Variants in COL16A1 observed in about 807,000 individuals in gnomAD.
The protein encoded by COL16A1 is collagen type XVI alpha 1 chain.
In COL16A1, 189 loss-of-function variants were observed where a neutral mutation model predicts 266.3. The ratio of observed to expected loss-of-function variants is 0.71; its 90% CI spans 0.63 to 0.80. The LOEUF (loss-of-function observed/expected upper bound fraction) is 0.80, where lower values mean the gene tolerates loss of function less well. Ranked by LOEUF, COL16A1 falls within the 30% of genes least tolerant of loss-of-function variation. COL16A1 has a pLI of 0.00. For synonymous variants in COL16A1, 740 were observed against 782.3 expected (o/e 0.95, Z 0.90); for missense variants, 1,928 against 2,122.4 (o/e 0.91, Z 1.80).
chr1:31,665,318 C>T (rs1642034360), intron 55 of COL16A1, 84 bp from the exon 56 acceptor site: 6 of 1,546,254 alleles, frequency 3.9e-6, no homozygotes, highest in South Asian at 2.4e-5. Context: ...GCATGATGCA[C>T]TGTTGTTAAT....
At chr1:31,702,569 G>A (rs1194395839) in intron 1 of COL16A1, among the ~76,000 whole-genome samples, 1 of 152,240 alleles carries the variant, frequency 6.6e-6, no homozygotes, top group Non-Finnish European at 1.5e-5. Context: ...TAGAAGGCCA[G>A]AGAAGTTGGA....
intron 70 of COL16A1, 92 bp downstream of exon 70, chr1:31,653,507 G>T: frequency 7.1e-7 from 1 of 1,415,040 alleles, no homozygotes; most frequent in Non-Finnish European, 9.6e-7. Context: ...GTCGTTATTT[G>T]GAGTTTGACA....
At chr1:31,700,547 C>T (rs995930994) in intron 2 of COL16A1, among the ~76,000 whole-genome samples, 2 of 152,212 alleles carry the variant, frequency 1.3e-5, no homozygotes, top group Admixed American at 1.3e-4. Flanking sequence ...GGCAGAGGAG[C>T]TCTTCAGGGG....
chr1:31,698,356 G>T lies in COL16A1; in HGVS notation c.390+127C>A. 1 of 1,534,622 alleles carries T rather than the reference G, an allele frequency of 6.5e-7. No homozygotes were observed. The highest frequency in any genetic ancestry group is 1.3e-5 in the South Asian group (1 of 79,296). ...ATGAGGTAGGTACTGGTGGGCTGGG[G>T]ACAGGCTTGAGGGTAGGCACAGGAT... is the stretch of plus-strand genomic sequence containing the variant. On this transcript the variant is annotated intron_variant, in intron 5 of 70. Coordinates refer to ENST00000373672, the MANE Select transcript of COL16A1 (RefSeq NM_001856.4). The surrounding 1 kb of genome is among the most constrained non-coding windows in gnomAD (Gnocchi z 4.1).
rs746687065 is a variant in COL16A1 at position 31,684,019 on chromosome 1, T to A, written c.2284-16A>T. ...CGGGTTGGCCCTAAAAGGCATAAGGTGGCCCATGGAGTCCCCACAGGAGAA... is the reference window on the plus strand; with the variant it reads ...CGGGTTGGCCCTAAAAGGCATAAGGAGGCCCATGGAGTCCCCACAGGAGAA... On this transcript the variant is annotated splice_polypyrimidine_tract_variant and intron_variant, in intron 32 of 70. Transcript: ENST00000373672. The A allele has an allele frequency of 6.2e-6, 10 of 1,614,016 alleles. No individual in the cohort carries two copies. The East Asian group carries it at 2.2e-4, about 36-fold the overall frequency.
chr1:31,666,295 C>G (rs1642140644), intron 52 of COL16A1: 2 of 584,024 alleles, frequency 3.4e-6, no homozygotes, highest in Non-Finnish European at 6.0e-6. Flanking sequence ...TCCTGGCTCA[C>G]TGCAAGCCAG....
At chr1:31,683,610 G>A in intron 34 of COL16A1, 97 bp downstream of exon 34, 1 of 1,608,014 alleles carries the variant, frequency 6.2e-7, no homozygotes, top group Non-Finnish European at 8.5e-7. Context: ...GTGCCTCTGG[G>A]GGCAGGCAGA....
Position 31,697,089 on chromosome 1 carries a change from CTGTT to C in COL16A1, c.739-5_739-2del. The C allele has an allele frequency of 6.2e-7, 1 of 1,614,114 alleles. No individual in the cohort carries two copies. The highest frequency in any genetic ancestry group is 8.5e-7 in the Non-Finnish European group (1 of 1,179,998). On this transcript the variant is annotated splice_acceptor_variant and splice_polypyrimidine_tract_variant and intron_variant, in intron 7 of 70. Coordinates refer to ENST00000373672, the MANE Select transcript of COL16A1 (RefSeq NM_001856.4). LOFTEE classifies it high-confidence loss of function. The surrounding 1 kb of genome is among the most constrained non-coding windows in gnomAD (Gnocchi z 4.2). ...GGGCCTTGGAGGTCTCTGGGGGGCACTGTTTGGTGGAAGAGCGGGGCTAGGGTCA... is the reference window on the plus strand; with the variant it reads ...GGGCCTTGGAGGTCTCTGGGGGGCACTGGTGGAAGAGCGGGGCTAGGGTCA...
intron 37 of COL16A1, among the ~76,000 whole-genome samples, chr1:31,681,818 C>T (rs958993875): frequency 3.9e-5 from 6 of 152,250 alleles, no homozygotes; most frequent in African/African-American, 1.4e-4. Flanking sequence ...TGGCCCACAT[C>T]TCTCCTTTTG....
Position 31,656,456 on chromosome 1 carries a change from CAA to C in COL16A1, c.4057-14_4057-13del. The C allele has an allele frequency of 6.2e-7, 1 of 1,611,840 alleles. No individual in the cohort carries two copies. Among genetic ancestry groups the C allele is most frequent in the South Asian group, 1.1e-5 (1 of 90,466 alleles). On this transcript the variant is annotated splice_polypyrimidine_tract_variant and intron_variant, in intron 65 of 70. Transcript: ENST00000373672. The surrounding 1 kb of genome is among the most constrained non-coding windows in gnomAD (Gnocchi z 4.2). ...TTTCCAGGGGGTCCCTAGAGGAAAG[CAA>C]AAGTCAGAGGTGAAGTCCGGGCAGC...
rs778149507 is a variant in COL16A1, at chr1:31,685,613, AG to A, written c.2016+25del. 2.5e-6 allele frequency: 4 copies of A among 1,607,582 alleles called. No individual in the cohort carries two copies. The African/African-American group carries it at 4.0e-5, about 16-fold the overall frequency. ...AGCCCCGCCTGCATCCCCCGTCCAG[AG>A]GCCCCTGCCTATATCCCACCTCACC... On this transcript the variant is annotated intron_variant, in intron 29 of 70. Coordinates refer to ENST00000373672, the MANE Select transcript of COL16A1 (RefSeq NM_001856.4). This position sits in a 1 kb window ranked among gnomAD's most constrained non-coding sequence, Gnocchi z 4.0.
chr1:31,672,597 C>A lies in COL16A1; in HGVS notation c.3017G>T (p.Arg1006Leu), dbSNP rs761548608. The change falls in exon 46 of 71, where the codon CGG (arginine) becomes CTG (leucine). Residue 1006 changes from arginine (R) to leucine (L), a missense_variant and splice_region_variant. By Grantham distance (102) the Arg-to-Leu change is moderately radical (BLOSUM62 -2). Transcript: ENST00000373672. ...SLERPRAEEA[R>L]GDNSEGDPGC... Reference sequence around the variant, plus strand: ...GGGGAGATAAGGCGAGGCACTCACCCGGGCCTCCTCGGCTCTTGGGCGCTC... The same window carrying A: ...GGGGAGATAAGGCGAGGCACTCACCAGGGCCTCCTCGGCTCTTGGGCGCTC... The A allele has an allele frequency of 3.7e-6, 6 of 1,606,404 alleles. No individual in the cohort carries two copies. Among genetic ancestry groups the A allele is most frequent in the South Asian group, 1.1e-5 (1 of 90,138 alleles).
chr1:31,665,603 G>T lies in COL16A1; in HGVS notation c.3472C>A (p.Pro1158Thr). The part of the protein sequence containing the change: ...EKGDQGFQGQ[P>T]GFPGPPGPPG... ...CTCACCGGTGGGCCCGGAAAGCCTG[G>T]CTGGCCTTGAAATCCCTAGGGTGAG... Residue 1158 changes from proline to threonine, a missense_variant, in exon 55 of 71, where the codon CCA (proline) becomes ACA (threonine). Pro to Thr is a conservative substitution (Grantham distance 38). This residue lies in a region of COL16A1 where 1,552 missense variants were observed against 1,637.2 expected (regional missense o/e 0.95). Transcript: ENST00000373672. 6.2e-7 allele frequency: 1 copy of T among 1,613,974 alleles called. No individual in the cohort carries two copies. The highest frequency in any genetic ancestry group is 8.5e-7 in the Non-Finnish European group (1 of 1,179,942).
chr1:31,696,278 G>T, intron 8 of COL16A1, 137 bp from the exon 9 acceptor site: 1 of 712,864 alleles, frequency 1.4e-6, no homozygotes, highest in Non-Finnish European at 2.4e-6. Context: ...GGGGCATCAA[G>T]GGCCTGCTCA....
At chr1:31,700,192 G>T in intron 2 of COL16A1, 77 bp from the exon 3 acceptor site, 1 of 1,367,350 alleles carries the variant, frequency 7.3e-7, no homozygotes, top group Non-Finnish European at 1.0e-6. Flanking sequence ...TGGGGAACCT[G>T]GGAGGGAGCA....
chr1:31,694,534 T>C (rs1405487485), intron 11 of COL16A1, among the ~76,000 whole-genome samples: 1 of 152,064 alleles, frequency 6.6e-6, no homozygotes, highest in Non-Finnish European at 1.5e-5. Flanking sequence ...GCCTAGGAGG[T>C]ACTCCTGATG....
At chr1:31,690,066 C>A in intron 22 of COL16A1, 1 of 619,300 alleles carries the variant, frequency 1.6e-6, no homozygotes, top group Non-Finnish European at 2.8e-6. Context: ...ACATCCTCGC[C>A]GTAAGCCTTA....
rs983926416 is a variant in COL16A1, at chr1:31,684,326, T to C, written c.2161-95A>G. The C allele has an allele frequency of 2.1e-6, 3 of 1,445,514 alleles. No homozygotes were observed. The African/African-American group carries it at 4.3e-5, about 21-fold the overall frequency. 89.5% of individuals were successfully genotyped at this position (1,445,514 alleles called of 1,614,324 possible). ...CCCTCTGAACACTCTGCCCCTTGAA[T>C]GCTCCCACGTCAGCCTGGGAAATCA... On this transcript the variant is annotated intron_variant, in intron 31 of 70. Coordinates refer to ENST00000373672, the MANE Select transcript of COL16A1 (RefSeq NM_001856.4).
rs112218388 is a variant in COL16A1 at position 31,661,526 on chromosome 1, C to T, written c.3727-68G>A. On this transcript the variant is annotated intron_variant, in intron 59 of 70. Transcript: ENST00000373672. ...TGGGGGCCTCTTCCCACTCCTCCTT[C>T]CTCAGTTCAAACAATTCAAACCAAT... 4.2e-3 allele frequency: 6,745 copies of T among 1,613,576 alleles called. 14 individuals are homozygous for T. The highest frequency in any genetic ancestry group is 5.1e-3 in the Non-Finnish European group (5,961 of 1,179,488).
Sources: allele counts gnomAD v4.1 joint callset (sites outside exome capture counted in the v4.1 genomes callset), GRCh38; gene constraint gnomAD v4.1.1; regional missense constraint gnomAD v4.1.1; non-coding constraint Gnocchi (gnomAD v3.1); transcripts MANE v1.5; gene names NCBI Gene and HGNC (gene_info 2026-07-23, HGNC 2026-07-21).